The following PIKFYVE variants were observed in gnomAD, a reference collection of about 807,000 sequenced individuals.
PIKFYVE encodes 1-phosphatidylinositol 3-phosphate 5-kinase.
PIKFYVE carries 122 observed loss-of-function variants against 257.9 expected under a neutral mutation model. That is an observed-to-expected ratio of 0.47 (90% CI 0.41 to 0.55). The LOEUF (loss-of-function observed/expected upper bound fraction) is 0.55. Ranked by LOEUF, PIKFYVE falls within the 20% of genes least tolerant of loss-of-function variation. PIKFYVE has a pLI of 0.00. For synonymous variants in PIKFYVE, 892 were observed against 868.9 expected, an observed-to-expected ratio of 1.03 and a Z score of -0.47; for missense variants, 2,160 against 2,536.6, an observed-to-expected ratio of 0.85 and a Z score of 3.19.
Position 208,355,230 on chromosome 2 carries a change from T to C in PIKFYVE, c.6222T>C (p.Thr2074=). 1 of 1,613,998 alleles carries C rather than the reference T, an allele frequency of 6.2e-7. No individual in the cohort carries two copies. Among genetic ancestry groups the C allele is most frequent in the Non-Finnish European group, 8.5e-7 (1 of 1,179,884 alleles). ...TGGTGTCTCCGGAGTTGTACAGGAC[T>C]AGGTTTTGTGAGGCAATGGACAAGT... ...PTVVSPELYR[T]RFCEAMDKYF... Residue 2074 remains threonine (T), a synonymous_variant, in exon 42 of 42, where the codon ACT becomes ACC. Transcript: ENST00000264380.
chr2:208,323,108 A>G (rs933570925), intron 17 of PIKFYVE, among the ~76,000 whole-genome samples: 1 of 145,594 alleles, frequency 6.9e-6, no homozygotes, highest in African/African-American at 2.5e-5. Context: ...TTTTTATTTT[A>G]TTATTATTAG....
chr2:208,310,709 G>A (rs1321535191), intron 12 of PIKFYVE, among the ~76,000 whole-genome samples: 1 of 152,044 alleles, frequency 6.6e-6, no homozygotes, highest in Non-Finnish European at 1.5e-5. Flanking sequence ...TTTGACCTGG[G>A]TTCTTTTAAA....
intron 4 of PIKFYVE, 117 bp from the exon 5 acceptor site, chr2:208,277,420 A>G (rs537900498): frequency 1.8e-6 from 2 of 1,099,346 alleles, no homozygotes; most frequent in Admixed American, 1.9e-5. Context: ...TCGTATTCCC[A>G]TATGAATTTT....
intron 1 of PIKFYVE, among the ~76,000 whole-genome samples, chr2:208,267,546 C>T (rs556960007): frequency 2.2e-4 from 27 of 123,176 alleles, no homozygotes; most frequent in African/African-American, 8.1e-4. Flanking sequence ...TCGCTCTGTC[C>T]CCCAGGTTGG....
At chr2:208,294,753 A>G (rs1051784335) in intron 7 of PIKFYVE, among the ~76,000 whole-genome samples, 3 of 152,118 alleles carry the variant, frequency 2.0e-5, no homozygotes, top group African/African-American at 4.8e-5. Flanking sequence ...CTCCCTGGGT[A>G]GGTTAAGCTC....
rs1442318565 is a variant in PIKFYVE, at chr2:208,324,255, C to A, written c.2304C>A (p.Gly768=). The change falls in exon 18 of 42, where the codon GGC becomes GGA. Residue 768 remains glycine (G), a synonymous_variant. Coordinates refer to ENST00000264380, the MANE Select transcript of PIKFYVE (RefSeq NM_015040.4). ...CCCAGGACATGTTATTGGAACATGGCATTACTTTGGTCATTAATGTAAAGT... is the reference window on the plus strand; with the variant it reads ...CCCAGGACATGTTATTGGAACATGGAATTACTTTGGTCATTAATGTAAAGT... ...RIAQDMLLEH[G]ITLVINVKSQ... The A allele has an allele frequency of 6.2e-7, 1 of 1,613,796 alleles. No homozygotes were observed. Among genetic ancestry groups the A allele is most frequent in the Non-Finnish European group, 8.5e-7 (1 of 1,179,878 alleles).
chr2:208,283,271 A>T (rs1004492419), intron 5 of PIKFYVE, among the ~76,000 whole-genome samples: 31 of 152,330 alleles, frequency 2.0e-4, no homozygotes, highest in African/African-American at 6.3e-4. Context: ...TGCATCTGTC[A>T]TGCAGCTTTT....
At chr2:208,347,506 C>G (rs1195592457) in intron 34 of PIKFYVE, among the ~76,000 whole-genome samples, 3 of 152,078 alleles carry the variant, frequency 2.0e-5, no homozygotes, top group African/African-American at 7.2e-5. Context: ...GAACTCAGCC[C>G]TAATATAATC....
intron 13 of PIKFYVE, 132 bp from the exon 14 acceptor site, chr2:208,314,162 C>T: frequency 1.2e-5 from 12 of 1,002,608 alleles, no homozygotes; most frequent in South Asian, 1.5e-5. Flanking sequence ...ATGTTCTTGC[C>T]TTTTTACACC....
chr2:208,290,779 G>A (rs1188359688), intron 7 of PIKFYVE, among the ~76,000 whole-genome samples: 1 of 152,086 alleles, frequency 6.6e-6, no homozygotes, highest in African/African-American at 2.4e-5. Flanking sequence ...ATCACATTTG[G>A]TGTTGTCAGT....
At chr2:208,349,996 G>T in intron 35 of PIKFYVE, 28 bp from the exon 36 acceptor site, 4 of 1,610,366 alleles carry the variant, frequency 2.5e-6, no homozygotes, top group Non-Finnish European at 2.5e-6. Context: ...CAAAACCTTG[G>T]CTTTACTAAT....
At chr2:208,273,930 A>G in intron 3 of PIKFYVE, 197 bp downstream of exon 3, 1 of 1,479,234 alleles carries the variant, frequency 6.8e-7, no homozygotes, top group Non-Finnish European at 9.3e-7. Flanking sequence ...ACACCTGAAA[A>G]AATTCTTAAA....
Position 208,285,727 on chromosome 2 carries a change from A to C in PIKFYVE, c.615A>C (p.Gly205=), listed in dbSNP as rs77053175. The part of the protein sequence containing the change: ...EIPGKFMGYT[G]DLRACTYCRK... ...TTTGTTTTTGTTTTTTTCTCCTAGG[A>C]GACCTCCGAGCTTGCACATATTGTA... The change falls in exon 6 of 42, where the codon GGA becomes GGC. Residue 205 remains glycine, a splice_region_variant and synonymous_variant. Coordinates refer to ENST00000264380, the MANE Select transcript of PIKFYVE (RefSeq NM_015040.4). The C allele has an allele frequency of 1.9e-6, 3 of 1,612,992 alleles. No homozygotes were observed. In the East Asian group the frequency reaches 6.7e-5, roughly 36 times the overall value.
At chr2:208,320,392 A>G (rs775563152) in intron 17 of PIKFYVE, 33 bp downstream of exon 17, 1 of 1,606,630 alleles carries the variant, frequency 6.2e-7, no homozygotes, top group East Asian at 2.2e-5. Flanking sequence ...AATAATTTAG[A>G]GGGATGTTTG....
intron 22 of PIKFYVE, among the ~76,000 whole-genome samples, chr2:208,330,237 C>T (rs1457317483): frequency 2.0e-5 from 3 of 152,156 alleles, no homozygotes; most frequent in African/African-American, 7.2e-5. Flanking sequence ...AGCATCATCA[C>T]TCGCCACTTA....
Position 208,314,288 on chromosome 2 carries a change from A to T in PIKFYVE, c.1697-6A>T. 4 of 1,611,092 alleles carry T rather than the reference A, an allele frequency of 2.5e-6. No individual in the cohort carries two copies. The highest frequency in any genetic ancestry group is 3.4e-6 in the Non-Finnish European group (4 of 1,177,400). ...GTAATAACTTCTTATTTTATATTGT[A>T]CTTAGAATCCTTATTTAATCGCCGA... On this transcript the variant is annotated splice_region_variant and splice_polypyrimidine_tract_variant and intron_variant, in intron 13 of 41. Transcript: ENST00000264380.
At chr2:208,337,144 A>G (rs1385547441) in intron 28 of PIKFYVE, among the ~76,000 whole-genome samples, 1 of 152,138 alleles carries the variant, frequency 6.6e-6, no homozygotes, top group African/African-American at 2.4e-5. Flanking sequence ...TTTATTTGAA[A>G]TGTTTATAAA....
intron 8 of PIKFYVE, among the ~76,000 whole-genome samples, chr2:208,300,618 T>A (rs1472031547): frequency 1.3e-5 from 2 of 152,224 alleles, no homozygotes; most frequent in Non-Finnish European, 2.9e-5. Context: ...TTAGTGTGAT[T>A]AACTGTTGTC....
rs117618433 is a variant in PIKFYVE, at chr2:208,294,145, G to A, written c.912-4496G>A. The stretch of plus-strand genomic sequence containing the variant: ...TTGCTTTTCAGTTTTGGCAGTTTCC[G>A]TTGAGATAGCCTCAAGTTCAAAGAT... On this transcript the variant is annotated intron_variant, in intron 7 of 41. Transcript: ENST00000264380. 2.6e-3 allele frequency among the ~76,000 whole-genome samples: 394 copies of A among 152,100 alleles called. 2 individuals carry two copies. The highest frequency in any genetic ancestry group is 0.024 in the East Asian group (125 of 5,176).
Sources: allele counts gnomAD v4.1 joint callset (sites outside exome capture counted in the v4.1 genomes callset), GRCh38; gene constraint gnomAD v4.1.1; transcripts MANE v1.5; gene names NCBI Gene and HGNC (gene_info 2026-07-23, HGNC 2026-07-21).